Variants in ACACA observed in about 807,000 individuals in gnomAD.
ACACA encodes the protein acetyl-CoA carboxylase alpha, also known as acetyl-CoA carboxylase 1.
In ACACA, 103 loss-of-function variants were observed where a neutral mutation model predicts 296.1. That is an observed-to-expected ratio of 0.35 (90% CI 0.30 to 0.41). The LOEUF (loss-of-function observed/expected upper bound fraction) is 0.41. Among genes scored for constraint, ACACA ranks in the 10% least tolerant of loss-of-function variants. The pLI, the probability that ACACA is intolerant of heterozygous loss-of-function variation, is 1.00. For missense variants in ACACA, 1,554 were observed against 2,989.7 expected (o/e 0.52, Z 11.20); for synonymous variants, 953 against 1,038.6 (o/e 0.92, Z 1.58).
intron 29 of ACACA, among the ~76,000 whole-genome samples, chr17:37,221,243 CTGAT>C (rs928377871): frequency 5.4e-4 from 82 of 152,208 alleles, no homozygotes; most frequent in African/African-American, 1.9e-3. Context: ...TTTTTAAAAA[CTGAT>C]TGAATTTCAA....
rs1386032855 is a variant in ACACA, at chr17:37,390,330, A to ATATATATATATATCTATATATC, written c.38+15931_38+15932insGATATATAGATATATATATATA. On this transcript the variant is annotated intron_variant, in intron 1 of 55. Transcript: ENST00000616317. ...TATATATATATATATATATATATAT[A>ATATATATATATATCTATATATC]TATAAAAGGCCAGCTGGGCCGGGCA... is the stretch of plus-strand genomic sequence containing the variant. Among the ~76,000 whole-genome samples the ATATATATATATATCTATATATC allele has an allele frequency of 1.3e-3, 56 of 41,578 alleles. 2 individuals are homozygous for ATATATATATATATCTATATATC. The highest frequency in any genetic ancestry group is 4.9e-3 in the East Asian group (3 of 612). The allele number at this position is 41,578 out of a possible 152,430, so 27.3% of individuals were successfully genotyped here.
chr17:37,123,328 A>G (rs2074615469), intron 48 of ACACA, among the ~76,000 whole-genome samples: 1 of 152,180 alleles, frequency 6.6e-6, no homozygotes, highest in South Asian at 2.1e-4. Context: ...TTATATATTT[A>G]ATCTCAAAGC....
At chr17:37,257,277 G>A (rs376516754) in intron 14 of ACACA, among the ~76,000 whole-genome samples, 1 of 152,022 alleles carries the variant, frequency 6.6e-6, no homozygotes, top group East Asian at 1.9e-4. Context: ...CATAACAATA[G>A]ATTGTGTACT....
rs2073081193 is a variant in ACACA, at chr17:37,097,768, A to G, written c.6720+62T>C. 7.2e-7 allele frequency: 1 copy of G among 1,393,492 alleles called. No homozygotes were observed. Among genetic ancestry groups the G allele is most frequent in the Admixed American group, 1.8e-5 (1 of 54,094 alleles). The allele number at this position is 1,393,492 out of a possible 1,614,324, so 86.3% of individuals were successfully genotyped here. On this transcript the variant is annotated intron_variant, in intron 53 of 55. Transcript: ENST00000616317. The surrounding 1 kb of genome is among the most constrained non-coding windows in gnomAD (Gnocchi z 4.8). ...CTCCCTGCTTATGAGCCTGTGTGCA[A>G]CACACACACACACTTGCCCACATGT...
intron 42 of ACACA, chr17:37,161,576 T>C (rs1025098320): frequency 4.0e-5 from 26 of 645,452 alleles, no homozygotes; most frequent in African/African-American, 3.8e-4. Flanking sequence ...GTTTTATAGA[T>C]GGAAGAAAAA....
intron 3 of ACACA, among the ~76,000 whole-genome samples, chr17:37,306,033 C>G (rs1237831004): frequency 6.6e-6 from 1 of 151,456 alleles, no homozygotes; most frequent in African/African-American, 2.4e-5. Flanking sequence ...CTCAGCCTCC[C>G]GAGCAGCCGG....
chr17:37,309,411 C>T (rs2084029485), intron 3 of ACACA, among the ~76,000 whole-genome samples: 1 of 152,024 alleles, frequency 6.6e-6, no homozygotes, highest in Non-Finnish European at 1.5e-5. Context: ...CTTCTGTGCT[C>T]ATGTTACAGT....
At chr17:37,199,272 G>C (rs2078141651) in intron 35 of ACACA, among the ~76,000 whole-genome samples, 2 of 149,794 alleles carry the variant, frequency 1.3e-5, no homozygotes. Context: ...AGAAAAAAAA[G>C]ACTTCTTAAC....
At chr17:37,104,876 G>T (rs140875061) in intron 52 of ACACA, among the ~76,000 whole-genome samples, 36 of 150,472 alleles carry the variant, frequency 2.4e-4, no homozygotes, top group Middle Eastern at 6.9e-3. Flanking sequence ...ACAGGTCGAG[G>T]TGTGGTGAGC....
intron 41 of ACACA, among the ~76,000 whole-genome samples, chr17:37,165,748 C>T (rs1385732745): frequency 6.6e-6 from 1 of 150,480 alleles, no homozygotes; most frequent in Non-Finnish European, 1.5e-5. Flanking sequence ...AATCTTGGCT[C>T]ACTGCAACCT....
intron 3 of ACACA, among the ~76,000 whole-genome samples, chr17:37,311,754 C>G (rs1294817557): frequency 6.6e-6 from 1 of 151,780 alleles, no homozygotes; most frequent in Non-Finnish European, 1.5e-5. Context: ...CACCTGTAAT[C>G]CCAGCTACTC....
intron 16 of ACACA, among the ~76,000 whole-genome samples, chr17:37,251,615 A>T (rs1409205835): frequency 6.6e-6 from 1 of 152,156 alleles, no homozygotes; most frequent in East Asian, 1.9e-4. Flanking sequence ...TATCAGCCTT[A>T]ATTATTTACT....
At chr17:37,335,407 G>C (rs4795192) in intron 2 of ACACA, among the ~76,000 whole-genome samples, 1 of 151,270 alleles carries the variant, frequency 6.6e-6, no homozygotes, top group Non-Finnish European at 1.5e-5. Context: ...TATAGACACA[G>C]CCAACTCCCA....
At chr17:37,121,526 C>A in intron 49 of ACACA, 36 bp from the exon 50 acceptor site, 1 of 1,613,478 alleles carries the variant, frequency 6.2e-7, no homozygotes, top group South Asian at 1.1e-5. Context: ...CAATTAACAA[C>A]ACAGCTCCAG....
intron 33 of ACACA, among the ~76,000 whole-genome samples, chr17:37,202,380 G>A (rs1347177197): frequency 3.3e-5 from 5 of 152,024 alleles, no homozygotes; most frequent in African/African-American, 7.2e-5. Flanking sequence ...ATTACCCAGC[G>A]ATTAGGCATC....
rs2079393896 is a variant in ACACA at position 37,223,563 on chromosome 17, T to A, written c.3513A>T (p.Leu1171=). 3 of 1,612,422 alleles carry A rather than the reference T, an allele frequency of 1.9e-6. No individual in the cohort carries two copies. Among genetic ancestry groups the A allele is most frequent in the Non-Finnish European group, 2.5e-6 (3 of 1,178,448 alleles). ...ILSETSIFDV[L]PNFFYHSNQV... ...GGTTGCTGTGATAGAAGAAGTTTGG[T>A]AGGACATCAAAAATAGATGTTTCTG... The change falls in exon 28 of 56, where the codon CTA becomes CTT. Residue 1171 remains leucine (L), a synonymous_variant. Transcript: ENST00000616317.
At position 37,161,925 on chromosome 17, in the gene ACACA, T is replaced by C; in HGVS notation, c.5205A>G (p.Leu1735=). 5 of 1,614,162 alleles carry C rather than the reference T, an allele frequency of 3.1e-6. No homozygotes were observed. The highest frequency in any genetic ancestry group is 4.2e-6 in the Non-Finnish European group (5 of 1,180,026). ...TAGCAAGTTCGGAAGCTCTGAGAAA[T>C]AACAAATCCTCTTGAGGCCCAAAGG... ...IGSFGPQEDL[L]FLRASELARA... The change falls in exon 42 of 56, where the codon TTA becomes TTG. Residue 1735 remains leucine, a synonymous_variant. Transcript: ENST00000616317.
intron 3 of ACACA, among the ~76,000 whole-genome samples, chr17:37,312,410 A>G (rs1242987066): frequency 6.6e-6 from 1 of 152,182 alleles, no homozygotes; most frequent in Non-Finnish European, 1.5e-5. Flanking sequence ...AAATTACATA[A>G]TCTCTCTGAG....
intron 29 of ACACA, among the ~76,000 whole-genome samples, chr17:37,214,703 C>T (rs1404826184): frequency 6.6e-6 from 1 of 152,170 alleles, no homozygotes; most frequent in African/African-American, 2.4e-5. Context: ...CAGGAAAGCA[C>T]TTTGGTAAGC....
Sources: allele counts gnomAD v4.1 joint callset (sites outside exome capture counted in the v4.1 genomes callset), GRCh38; gene constraint gnomAD v4.1.1; non-coding constraint Gnocchi (gnomAD v3.1); transcripts MANE v1.5; gene names NCBI Gene and HGNC (gene_info 2026-07-23, HGNC 2026-07-21).